BRCA2: variants seen among roughly 807,000 people sequenced by gnomAD.
The protein encoded by BRCA2 is breast cancer type 2 susceptibility protein.
In BRCA2, 203 loss-of-function variants were observed where a neutral mutation model predicts 276.7. The observed-to-expected ratio is 0.73, with a 90% confidence interval of 0.65 to 0.82. BRCA2 has a LOEUF of 0.82. BRCA2 is among the 40% of genes least tolerant of loss of function. BRCA2 has a pLI of 0.00. For missense variants in BRCA2, 3,920 were observed against 3,915.0 expected (o/e 1.00, Z -0.03); for synonymous variants, 1,289 against 1,338.4 (o/e 0.96, Z 0.81).
chr13:32,333,220 C>T lies in BRCA2; in HGVS notation c.1742C>T (p.Ser581Phe), dbSNP rs587778118. 8 of 1,612,586 alleles carry T rather than the reference C, an allele frequency of 5.0e-6. No homozygotes were observed. Among genetic ancestry groups the T allele is most frequent in the Non-Finnish European group, 6.8e-6 (8 of 1,179,232 alleles). Residue 581 changes from serine to phenylalanine, a missense_variant, in exon 10 of 27, where the codon TCC becomes TTC. Physicochemically the swap from Ser to Phe is radical, Grantham distance 155 (BLOSUM62 -2). This residue lies in a region of BRCA2 where 3,263 missense variants were observed against 3,156.9 expected (regional missense o/e 1.03). Transcript: ENST00000380152. The stretch of plus-strand genomic sequence containing the variant: ...GCTTTGAAGAATGCAGGTTTAATAT[C>T]CACTTTGAAAAAGAAAACAAATAAG... ...SVALKNAGLI[S>F]TLKKKTNKFI...
rs80359038 is a variant in BRCA2, at chr13:32,363,229, T to C, written c.8027T>C (p.Met2676Thr). The stretch of plus-strand genomic sequence containing the variant: ...AGAAGATCGGCTATAAAAAAGATAA[T>C]GGAAAGGGATGACACAGCTGCAAAA... ...RSRRSAIKKI[M>T]ERDDTAAKTL... The change falls in exon 18 of 27, where the codon ATG (methionine) becomes ACG (threonine). Residue 2676 changes from methionine (M) to threonine (T), a missense_variant. By Grantham distance (81) the Met-to-Thr change is moderately conservative. This residue lies in a region of BRCA2 where 3,263 missense variants were observed against 3,156.9 expected (regional missense o/e 1.03). Transcript: ENST00000380152. 1.7e-5 allele frequency: 27 copies of C among 1,613,932 alleles called. No homozygotes were observed. The highest frequency in any genetic ancestry group is 2.0e-5 in the Non-Finnish European group (24 of 1,179,950).
chr13:32,368,936 G>A (rs1215340449), intron 18 of BRCA2, among the ~76,000 whole-genome samples: 3 of 151,244 alleles, frequency 2.0e-5, no homozygotes, highest in East Asian at 2.0e-4. Context: ...TCAGCCTCCC[G>A]AGTAGCTGGG....
Position 32,337,040 on chromosome 13 carries a change from T to C in BRCA2, c.2685T>C (p.Ala895=). Residue 895 remains alanine (A), a synonymous_variant, in exon 11 of 27, where the codon GCT becomes GCC. Transcript: ENST00000380152. ...AGAATAATTTTGTCTTCCAAGTAGC[T>C]AATGAAAGGAATAATCTTGCTTTAG... is the stretch of plus-strand genomic sequence containing the variant. ...DNENNFVFQV[A]NERNNLALGN... is the part of the protein sequence containing the mutation. The C allele has an allele frequency of 6.3e-7, 1 of 1,599,934 alleles. No homozygotes were observed. Among genetic ancestry groups the C allele is most frequent in the Non-Finnish European group, 8.5e-7 (1 of 1,175,464 alleles).
At chr13:32,367,978 T>G (rs1311745386) in intron 18 of BRCA2, among the ~76,000 whole-genome samples, 1 of 145,904 alleles carries the variant, frequency 6.9e-6, no homozygotes, top group Non-Finnish European at 1.5e-5. Flanking sequence ...ACCCTCAAAT[T>G]AGGGTTGTCT....
Position 32,319,086 on chromosome 13 carries a change from C to T in BRCA2, c.77C>T (p.Pro26Leu), listed in dbSNP as rs1566215668. ...TTTTTTTTTTAAATAGATTTAGGAC[C>T]AATAAGTCTTAATTGGTTTGAAGAA... Reference protein sequence around the residue: ...KTRCNKADLGPISLNWFEELS... With the variant: ...KTRCNKADLGLISLNWFEELS... Residue 26 changes from proline (P) to leucine (L), a missense_variant, in exon 3 of 27, where the codon CCA becomes CTA. Physicochemically the swap from Pro to Leu is moderately conservative, Grantham distance 98. Transcript: ENST00000380152. 1 of 1,612,218 alleles carries T rather than the reference C, an allele frequency of 6.2e-7. No homozygotes were observed.
intron 18 of BRCA2, among the ~76,000 whole-genome samples, chr13:32,368,196 A>AT (rs1201283459): frequency 6.6e-6 from 1 of 150,846 alleles, no homozygotes; most frequent in Non-Finnish European, 1.5e-5. Flanking sequence ...ATTTTTTTGT[A>AT]TTTTTAGTAG....
rs1057520433 is a variant in BRCA2, at chr13:32,398,503, A to G, written c.9990A>G (p.Glu3330=). ...PQMTPFKKFN[E]ISLLESNSIA... is the part of the protein sequence containing the mutation. ...TGACTCCATTTAAAAAATTCAATGA[A>G]ATTTCTCTTTTGGAAAGTAATTCAA... is the stretch of plus-strand genomic sequence containing the variant. The change falls in exon 27 of 27, where the codon GAA becomes GAG. Residue 3330 remains glutamate, a synonymous_variant. Transcript: ENST00000380152. The G allele has an allele frequency of 6.2e-7, 1 of 1,614,140 alleles. No homozygotes were observed.
intron 17 of BRCA2, 43 bp from the exon 18 acceptor site, chr13:32,363,136 G>C (rs2137579310): frequency 1.3e-6 from 2 of 1,501,906 alleles, no homozygotes; most frequent in East Asian, 2.3e-5. Flanking sequence ...TGGAATTCTA[G>C]AGTCACACTT....
chr13:32,395,762 A>T (rs1014417141), intron 25 of BRCA2, among the ~76,000 whole-genome samples: 1 of 152,088 alleles, frequency 6.6e-6, no homozygotes, highest in African/African-American at 2.4e-5. Flanking sequence ...CAGAATTTAT[A>T]TAAAAATATA....
rs760189451 is a variant in BRCA2 at position 32,394,892 on chromosome 13, C to T, written c.9460C>T (p.His3154Tyr). ...SVFSASPKEG[H>Y]FQETFNKMKN... is the part of the protein sequence containing the mutation. ...GTTTTCTGCTAGTCCAAAAGAGGGC[C>T]ACTTTCAAGAGACATTCAACAAAAT... Residue 3154 changes from histidine to tyrosine, a missense_variant, in exon 25 of 27, where the codon CAC becomes TAC. Around this residue, in one of 2 missense-constraint regions of BRCA2, gnomAD observed 657 missense variants for 758.2 expected, o/e 0.87. Coordinates refer to ENST00000380152, the MANE Select transcript of BRCA2 (RefSeq NM_000059.4). 2 of 1,614,074 alleles carry T rather than the reference C, an allele frequency of 1.2e-6. No individual in the cohort carries two copies. Among genetic ancestry groups the T allele is most frequent in the Non-Finnish European group, 1.7e-6 (2 of 1,179,976 alleles).
At position 32,367,486 on chromosome 13, in the gene BRCA2, A is replaced by G. The variant is rs114806352; in HGVS notation, c.8332-2916A>G. On this transcript the variant is annotated intron_variant, in intron 18 of 26. Transcript: ENST00000380152. ...AGCAAAAAATTGAAATTCATAACAA[A>G]TGATAACTTCTATTCTCATTGTTTT... Among the ~76,000 whole-genome samples, 1,095 of 152,012 alleles carry G rather than the reference A, an allele frequency of 7.2e-3. 12 individuals are homozygous for G. Among genetic ancestry groups the G allele is most frequent in the African/African-American group, 0.025 (1,040 of 41,472 alleles).
At chr13:32,385,403 C>G (rs1391238982) in intron 24 of BRCA2, 2 of 216,332 alleles carry the variant, frequency 9.2e-6, no homozygotes, top group Non-Finnish European at 2.0e-5. Flanking sequence ...GCCAATACGT[C>G]CATGCAGACC....
rs1220175771 is a variant in BRCA2, at chr13:32,340,113, GTTTTT to G, written c.5759_5763del (p.Val1920GlyfsTer2). 1 of 1,613,662 alleles carries G rather than the reference GTTTTT, an allele frequency of 6.2e-7. No homozygotes were observed. ...TGAATGTAGCACGCATTCACATAAG[GTTTTT>G]GCTGACATTCAGAGTGAAGAAATTT... is the stretch of plus-strand genomic sequence containing the variant. On this transcript the variant is annotated frameshift_variant, in exon 11 of 27. Transcript: ENST00000380152. LOFTEE classifies it high-confidence loss of function.
chr13:32,337,343 C>T lies in BRCA2; in HGVS notation c.2988C>T (p.Leu996=), dbSNP rs758336001. The change falls in exon 11 of 27, where the codon CTC becomes CTT. Residue 996 remains leucine (L), a synonymous_variant. Transcript: ENST00000380152. ...NNDYMNKWAG[L]LGPISNHSFG... ...ATTACATGAACAAATGGGCAGGACTCTTAGGTCCAATTTCAAATCACAGTT... is the reference window on the plus strand; with the variant it reads ...ATTACATGAACAAATGGGCAGGACTTTTAGGTCCAATTTCAAATCACAGTT... 1 of 1,613,732 alleles carries T rather than the reference C, an allele frequency of 6.2e-7. No individual in the cohort carries two copies. Among genetic ancestry groups the T allele is most frequent in the Non-Finnish European group, 8.5e-7 (1 of 1,179,896 alleles).
Position 32,340,224 on chromosome 13 carries a change from A to G in BRCA2, c.5869A>G (p.Ile1957Val), listed in dbSNP as rs80358817. The G allele has an allele frequency of 5.0e-5, 81 of 1,613,864 alleles. No homozygotes were observed. Among genetic ancestry groups the G allele is most frequent in the Non-Finnish European group, 6.7e-5 (79 of 1,179,898 alleles). Residue 1957 changes from isoleucine to valine, a missense_variant, in exon 11 of 27, where the codon ATA (isoleucine) becomes GTA (valine). Coordinates refer to ENST00000380152, the MANE Select transcript of BRCA2 (RefSeq NM_000059.4). ...PCDVSLETSD[I>V]CKCSIGKLHK... Reference sequence around the variant, plus strand: ...TGATGTTAGTTTGGAAACTTCAGATATATGTAAATGTAGTATAGGGAAGCT... The same window carrying G: ...TGATGTTAGTTTGGAAACTTCAGATGTATGTAAATGTAGTATAGGGAAGCT...
In BRCA2 at chr13:32,339,561, C is replaced by G. The variant is rs886037802; in HGVS notation, c.5206C>G (p.Gln1736Glu). The change falls in exon 11 of 27, where the codon CAA becomes GAA. Residue 1736 changes from glutamine to glutamate, a missense_variant. Gln to Glu is a conservative substitution (Grantham distance 29, BLOSUM62 2). Transcript: ENST00000380152. ...TGACAAAAATCATCTCTCCGAAAAA[C>G]AAGATACTTATTTAAGTAACAGTAG... ...ENDKNHLSEKQDTYLSNSSMS... is the reference protein window; with the variant it reads ...ENDKNHLSEKEDTYLSNSSMS... 1 of 1,607,926 alleles carries G rather than the reference C, an allele frequency of 6.2e-7. No homozygotes were observed. Among genetic ancestry groups the G allele is most frequent in the South Asian group, 1.1e-5 (1 of 90,104 alleles).
In BRCA2 at chr13:32,371,019, G is replaced by A. The variant is rs876658592; in HGVS notation, c.8551G>A (p.Ala2851Thr). Residue 2851 changes from alanine (A) to threonine (T), a missense_variant, in exon 20 of 27, where the codon GCA becomes ACA. Coordinates refer to ENST00000380152, the MANE Select transcript of BRCA2 (RefSeq NM_000059.4). ...CAATGAAAGAGAGGAAGAAAAGGAAGCAGCAAAATATGTGGAGGCCCAACA... is the reference window on the plus strand; with the variant it reads ...CAATGAAAGAGAGGAAGAAAAGGAAACAGCAAAATATGTGGAGGCCCAACA... ...FRNEREEEKEAAKYVEAQQKR... is the reference protein window; with the variant it reads ...FRNEREEEKETAKYVEAQQKR... The A allele has an allele frequency of 1.9e-6, 3 of 1,614,136 alleles. No individual in the cohort carries two copies. Among genetic ancestry groups the A allele is most frequent in the Admixed American group, 1.7e-5 (1 of 60,022 alleles).
intron 24 of BRCA2, among the ~76,000 whole-genome samples, chr13:32,390,765 A>G (rs1044720060): frequency 6.6e-6 from 1 of 152,198 alleles, no homozygotes; most frequent in Non-Finnish European, 1.5e-5. Context: ...AGCCTCAGTA[A>G]TACAATGATC....
rs778147500 is a variant in BRCA2 at position 32,398,684 on chromosome 13, A to G, written c.10171A>G (p.Ile3391Val). 1.9e-6 allele frequency: 3 copies of G among 1,614,188 alleles called. No individual in the cohort carries two copies. Among genetic ancestry groups the G allele is most frequent in the Non-Finnish European group, 2.5e-6 (3 of 1,180,028 alleles). The change falls in exon 27 of 27, where the codon ATC becomes GTC. Residue 3391 changes from isoleucine to valine, a missense_variant. This residue lies in a region of BRCA2 where 657 missense variants were observed against 758.2 expected (regional missense o/e 0.87). Coordinates refer to ENST00000380152, the MANE Select transcript of BRCA2 (RefSeq NM_000059.4). ...RLKRRCTTSL[I>V]KEQESSQAST... ...GAAACGACGTTGTACTACATCTCTG[A>G]TCAAAGAACAGGAGAGTTCCCAGGC...
Sources: allele counts gnomAD v4.1 joint callset (sites outside exome capture counted in the v4.1 genomes callset), GRCh38; gene constraint gnomAD v4.1.1; regional missense constraint gnomAD v4.1.1; transcripts MANE v1.5; gene names NCBI Gene and HGNC (gene_info 2026-07-23, HGNC 2026-07-21).